The following PCDH15 variants were observed in gnomAD, a reference collection of about 807,000 sequenced individuals.
The protein encoded by PCDH15 is protocadherin related 15.
Under a neutral mutation model 178.5 loss-of-function variants are expected in PCDH15, and 129 were observed. That is an observed-to-expected ratio of 0.72 (90% confidence interval 0.63 to 0.84). The LOEUF is 0.84. Among genes scored for constraint, PCDH15 ranks in the 40% least tolerant of loss-of-function variants. The probability of loss-of-function intolerance (pLI) is 0.00; values close to 1 mark genes in which losing one functional copy is unlikely to be tolerated. For synonymous variants in PCDH15, 800 were observed against 732.0 expected (o/e 1.09, Z -1.50); for missense variants, 2,230 against 2,099.9 (o/e 1.06, Z -1.21).
chr10:55,206,518 G>A (rs983344473), intron 1 of PCDH15, among the ~76,000 whole-genome samples: 2 of 152,104 alleles, frequency 1.3e-5, no homozygotes, highest in African/African-American at 4.8e-5. Flanking sequence ...TTGAGTTTCA[G>A]TGCAGGCTTG....
At chr10:55,273,928 C>CCA (rs58867094) in intron 1 of PCDH15, among the ~76,000 whole-genome samples, 4 of 151,742 alleles carry the variant, frequency 2.6e-5, no homozygotes, top group South Asian at 4.2e-4. Flanking sequence ...TTAACACCTC[C>CCA]CACACACACA....
intron 2 of PCDH15, among the ~76,000 whole-genome samples, chr10:54,662,289 A>G (rs1215801233): frequency 6.6e-6 from 1 of 152,034 alleles, no homozygotes; most frequent in African/African-American, 2.4e-5. Context: ...ACCAACAAAC[A>G]TATGAAAAAA....
At chr10:53,888,242 A>G (rs975674549) in intron 26 of PCDH15, among the ~76,000 whole-genome samples, 1 of 146,120 alleles carries the variant, frequency 6.8e-6, no homozygotes, top group Non-Finnish European at 1.5e-5. Context: ...CTCTTTAAAT[A>G]TATCTGTAGA....
chr10:54,507,280 T>C (rs190384082), intron 3 of PCDH15, among the ~76,000 whole-genome samples: 141 of 151,640 alleles, frequency 9.3e-4, no homozygotes, highest in Non-Finnish European at 1.3e-3. Context: ...ATAATAATAA[T>C]ACTTTTATTC....
chr10:53,998,924 CA>C (rs1212029213), intron 20 of PCDH15, among the ~76,000 whole-genome samples: 2 of 151,598 alleles, frequency 1.3e-5, no homozygotes, highest in African/African-American at 4.8e-5. Flanking sequence ...TGGTGGCGGG[CA>C]CCTGTAATCC....
At chr10:55,054,944 G>T (rs961508192) in intron 2 of PCDH15, among the ~76,000 whole-genome samples, 1 of 152,140 alleles carries the variant, frequency 6.6e-6, no homozygotes, top group Admixed American at 6.5e-5. Context: ...AGTTTGCAAA[G>T]CTTTTCCCCA....
intron 3 of PCDH15, among the ~76,000 whole-genome samples, chr10:54,442,414 C>CTTTATATATA (rs1491511066): frequency 0.03 from 581 of 19,146 alleles, 100 homozygotes; most frequent in Middle Eastern, 0.045. Flanking sequence ...GCCTTAAAGG[C>CTTTATATATA]TATATATATA....
At chr10:54,922,755 G>C (rs188336526) in intron 2 of PCDH15, among the ~76,000 whole-genome samples, 1 of 152,078 alleles carries the variant, frequency 6.6e-6, no homozygotes, top group Non-Finnish European at 1.5e-5. Flanking sequence ...CAAGGCCTTG[G>C]GAAGCTCCAC....
chr10:55,495,465 T>C (rs576282494), intron 2 of PCDH15, among the ~76,000 whole-genome samples: 1 of 151,756 alleles, frequency 6.6e-6, no homozygotes, highest in South Asian at 2.1e-4. Context: ...TGAATAGACA[T>C]TTCAACAAAG....
At chr10:54,194,977 A>G (rs1390964379) in intron 11 of PCDH15, among the ~76,000 whole-genome samples, 1 of 152,080 alleles carries the variant, frequency 6.6e-6, no homozygotes, top group African/African-American at 2.4e-5. Context: ...TTTCAGATTC[A>G]TTTCCACTTC....
intron 23 of PCDH15, 78 bp downstream of exon 23, chr10:53,959,654 T>C (rs1032355528): frequency 9.3e-7 from 1 of 1,076,570 alleles, no homozygotes; most frequent in South Asian, 1.3e-5. Flanking sequence ...TAAATTCATA[T>C]TACATCAATT....
chr10:55,235,360 C>T (rs899201896), intron 1 of PCDH15, among the ~76,000 whole-genome samples: 1 of 151,998 alleles, frequency 6.6e-6, no homozygotes, highest in African/African-American at 2.4e-5. Context: ...GATTCGTCAA[C>T]CCTAAAAAAT....
chr10:54,208,967 CT>C lies in PCDH15; in HGVS notation c.1098+4968del, dbSNP rs1015830962. Among the ~76,000 whole-genome samples the C allele has an allele frequency of 1.3e-4, 20 of 151,362 alleles. No individual in the cohort carries two copies. The Middle Eastern group carries it at 0.014, about 104-fold the overall frequency. On this transcript the variant is annotated intron_variant, in intron 10 of 37. Transcript: ENST00000644397. ...AGTGCCAATCGTTTCCATCTCTTGT[CT>C]TTTTTTTTCCTCTCTCTCTCTCTTT...
chr10:55,218,664 A>C (rs1294273652), intron 1 of PCDH15, among the ~76,000 whole-genome samples: 2 of 152,034 alleles, frequency 1.3e-5, no homozygotes, highest in African/African-American at 4.8e-5. Context: ...AATCTGGGAA[A>C]ATCATGTGTT....
chr10:53,836,273 G>A (rs1160311027), intron 29 of PCDH15, among the ~76,000 whole-genome samples: 1 of 152,058 alleles, frequency 6.6e-6, no homozygotes, highest in Non-Finnish European at 1.5e-5. Context: ...GAAAGAGGGG[G>A]AAAAAATCTT....
chr10:54,744,767 A>C, intron 1 of PCDH15, among the ~76,000 whole-genome samples: 1 of 152,156 alleles, frequency 6.6e-6, no homozygotes, highest in East Asian at 1.9e-4. Flanking sequence ...GGCAGTAATT[A>C]TCCTATTTGC....
chr10:54,577,821 G>A (rs975028709), intron 2 of PCDH15, among the ~76,000 whole-genome samples: 5 of 151,510 alleles, frequency 3.3e-5, no homozygotes, highest in African/African-American at 1.2e-4. Flanking sequence ...TTCTGGCCTT[G>A]AGGCCAGTTC....
At chr10:53,846,890 A>G (rs1263629810) in intron 28 of PCDH15, among the ~76,000 whole-genome samples, 1 of 151,996 alleles carries the variant, frequency 6.6e-6, no homozygotes, top group African/African-American at 2.4e-5. Context: ...TAAAATTACC[A>G]TGTGATGAGA....
At chr10:54,204,159 A>G (rs2050534727) in intron 10 of PCDH15, among the ~76,000 whole-genome samples, 1 of 152,154 alleles carries the variant, frequency 6.6e-6, no homozygotes, top group South Asian at 2.1e-4. Context: ...TTTTGAAATC[A>G]AAATGTTAAT....
Sources: allele counts gnomAD v4.1 joint callset (sites outside exome capture counted in the v4.1 genomes callset), GRCh38; gene constraint gnomAD v4.1.1; transcripts MANE v1.5; gene names NCBI Gene and HGNC (gene_info 2026-07-23, HGNC 2026-07-21).